The following TAC3 variants were observed in gnomAD, a reference collection of about 807,000 sequenced individuals.
The protein encoded by TAC3 is tachykinin precursor 3, also known as tachykinin-3.
TAC3 carries 9 observed loss-of-function variants against 16.5 expected under a neutral mutation model. The observed-to-expected ratio is 0.55, with a 90% CI of 0.33 to 0.95. TAC3 has a LOEUF of 0.95. Ranked by LOEUF, TAC3 falls within the 40% of genes least tolerant of loss-of-function variation. The pLI is 0.03. For missense variants in TAC3, 129 were observed against 149.1 expected (o/e 0.87, Z 0.70); for synonymous variants, 52 against 56.7 (o/e 0.92, Z 0.37).
At chr12:57,015,125 C>T (rs913196540) in intron 2 of TAC3, among the ~76,000 whole-genome samples, 15 of 151,808 alleles carry the variant, frequency 9.9e-5, no homozygotes, top group Admixed American at 6.6e-4. Flanking sequence ...AGGATAGAGG[C>T]GGGCAAGGGA....
intron 3 of TAC3, 86 bp downstream of exon 3, chr12:57,013,490 ATC>A: frequency 6.3e-7 from 1 of 1,591,104 alleles, no homozygotes; most frequent in Non-Finnish European, 8.6e-7. Context: ...GCTATCCCCC[ATC>A]TCTCTCCCAT....
At chr12:57,013,192 T>C in intron 4 of TAC3, 167 bp downstream of exon 4, 1 of 890,466 alleles carries the variant, frequency 1.1e-6, no homozygotes, top group Non-Finnish European at 1.8e-6. Context: ...AGCTTCCTCC[T>C]AGTTCTGGAT....
At chr12:57,012,517 A>G in intron 5 of TAC3, 65 bp from the exon 6 acceptor site, 1 of 1,607,240 alleles carries the variant, frequency 6.2e-7, no homozygotes, top group Non-Finnish European at 8.5e-7. Flanking sequence ...CCCTGATCCA[A>G]CAGCAAAGGG....
Position 57,012,375 on chromosome 12 carries a change from T to G in TAC3, c.*1+3A>C, listed in dbSNP as rs1196343144. 6.2e-7 allele frequency: 1 copy of G among 1,613,322 alleles called. No individual in the cohort carries two copies. Among genetic ancestry groups the G allele is most frequent in the East Asian group, 2.2e-5 (1 of 44,870 alleles). On this transcript the variant is annotated splice_donor_region_variant and intron_variant, in intron 6 of 6. Transcript: ENST00000458521. ...TCTCCCCTCTCTAATGAACAATCCTTACCCTATTCTGCTCTCGGGGGATAC... is the reference window on the plus strand; with the variant it reads ...TCTCCCCTCTCTAATGAACAATCCTGACCCTATTCTGCTCTCGGGGGATAC...
chr12:57,015,565 G>T, intron 2 of TAC3, 119 bp downstream of exon 2: 2 of 826,240 alleles, frequency 2.4e-6, no homozygotes, highest in Non-Finnish European at 2.0e-6. Flanking sequence ...AATCCAAAGG[G>T]AGGCAAAATG....
At chr12:57,013,163 C>T in intron 4 of TAC3, 196 bp downstream of exon 4, 1 of 753,154 alleles carries the variant, frequency 1.3e-6, no homozygotes, top group Non-Finnish European at 2.2e-6. Context: ...GAGGGAGAGC[C>T]CACCATGCCC....
Position 57,013,407 on chromosome 12 carries a change from A to T in TAC3, c.209-19T>A, listed in dbSNP as rs1440396623. The T allele has an allele frequency of 6.2e-7, 1 of 1,614,012 alleles. No homozygotes were observed. The highest frequency in any genetic ancestry group is 2.2e-5 in the East Asian group (1 of 44,906). On this transcript the variant is annotated intron_variant, in intron 3 of 6. Coordinates refer to ENST00000458521, the MANE Select transcript of TAC3 (RefSeq NM_013251.4). ...TTAGGATCTGTGAAACCAAGAACAGATGTCTAAATGGGGAGTGAAGTTGGA... is the reference window on the plus strand; with the variant it reads ...TTAGGATCTGTGAAACCAAGAACAGTTGTCTAAATGGGGAGTGAAGTTGGA...
At chr12:57,012,663 CT>C (rs758660310) in intron 5 of TAC3, 158 bp downstream of exon 5, 2 of 1,613,062 alleles carry the variant, frequency 1.2e-6, no homozygotes, top group South Asian at 2.2e-5. Context: ...GAAGACTTTC[CT>C]GTGGATCCAA....
chr12:57,013,944 C>A (rs1159924701), intron 2 of TAC3, among the ~76,000 whole-genome samples: 1 of 152,138 alleles, frequency 6.6e-6, no homozygotes, highest in Admixed American at 6.5e-5. Context: ...TTTAAGCAGC[C>A]CCCCAGGTGA....
At chr12:57,012,271 C>A in intron 6 of TAC3, 107 bp downstream of exon 6, 3 of 1,099,408 alleles carry the variant, frequency 2.7e-6, no homozygotes, top group Non-Finnish European at 2.7e-6. Flanking sequence ...TATTTCAGGG[C>A]AAATCTATGA....
Position 57,010,074 on chromosome 12 carries a change from C to T in TAC3, c.*216G>A, listed in dbSNP as rs1017993726. On this transcript the variant is annotated 3_prime_UTR_variant, in exon 7 of 7. Coordinates refer to ENST00000458521, the MANE Select transcript of TAC3 (RefSeq NM_013251.4). ...TTTTTAATGTAGGACACTACAGGAA[C>T]TCTAGGGTATTCTACAGTCAATGCC... The T allele has an allele frequency of 2.2e-6, 1 of 453,786 alleles. No homozygotes were observed. The highest frequency in any genetic ancestry group is 2.0e-5 in the African/African-American group (1 of 49,978). 28.1% of individuals were successfully genotyped at this position (453,786 alleles called of 1,614,324 possible). A position where few individuals can be genotyped will look rare whatever the true frequency, so the allele number is the denominator to read the frequency against.
intron 5 of TAC3, 23 bp downstream of exon 5, chr12:57,012,799 A>G: frequency 6.2e-7 from 1 of 1,614,022 alleles, no homozygotes. Flanking sequence ...AAGCCCTTCC[A>G]CTGTACCTCC....
At chr12:57,016,010 C>A (rs1050098559) in intron 1 of TAC3, among the ~76,000 whole-genome samples, 3 of 152,156 alleles carry the variant, frequency 2.0e-5, no homozygotes, top group Non-Finnish European at 4.4e-5. Flanking sequence ...TTCCCTGCTA[C>A]CCCATCAGAT....
intron 6 of TAC3, among the ~76,000 whole-genome samples, chr12:57,011,480 G>C (rs1427879600): frequency 2.6e-5 from 4 of 152,190 alleles, no homozygotes; most frequent in Non-Finnish European, 5.9e-5. Context: ...GTTTTGACTA[G>C]ACACTTCCCT....
chr12:57,013,557 TC>T lies in TAC3; in HGVS notation c.208+20del. 6.2e-7 allele frequency: 1 copy of T among 1,610,540 alleles called. No homozygotes were observed. Among genetic ancestry groups the T allele is most frequent in the Non-Finnish European group, 8.5e-7 (1 of 1,178,318 alleles). The stretch of plus-strand genomic sequence containing the variant: ...CAGAATCCTGCCCCTCATTCCCCTC[TC>T]CCCTAGGGCCGCCTCCTACCTGTGC... On this transcript the variant is annotated intron_variant, in intron 3 of 6. Coordinates refer to ENST00000458521, the MANE Select transcript of TAC3 (RefSeq NM_013251.4).
In TAC3 at chr12:57,010,086, CTA is replaced by C; in HGVS notation, c.*202_*203del. ...GACACTACAGGAACTCTAGGGTATT[CTA>C]CAGTCAATGCCCATTGGGGTTGGGG... On this transcript the variant is annotated 3_prime_UTR_variant, in exon 7 of 7. Coordinates refer to ENST00000458521, the MANE Select transcript of TAC3 (RefSeq NM_013251.4). The C allele has an allele frequency of 2.2e-6, 1 of 454,000 alleles. No homozygotes were observed. Among genetic ancestry groups the C allele is most frequent in the South Asian group, 1.6e-5 (1 of 64,460 alleles). The allele number at this position is 454,000 out of a possible 1,614,324, so 28.1% of individuals were successfully genotyped here.
chr12:57,013,587 C>G lies in TAC3; in HGVS notation c.199G>C (p.Ala67Pro), dbSNP rs187066881. The change falls in exon 3 of 7, where the codon GCT (alanine) becomes CCT (proline). Residue 67 changes from alanine (A) to proline (P), a missense_variant. Coordinates refer to ENST00000458521, the MANE Select transcript of TAC3 (RefSeq NM_013251.4). ...LEGLLKALSQ[A>P]STDPKESTSP... is the part of the protein sequence containing the mutation. ...TAGGGCCGCCTCCTACCTGTGCTAG[C>G]CTGGCTCAGGGCTTTGAGCAATCCC... 4.0e-5 allele frequency: 65 copies of G among 1,613,440 alleles called. No homozygotes were observed. In the African/African-American group the frequency reaches 7.6e-4, roughly 19 times the overall value.
At position 57,012,855 on chromosome 12, in the gene TAC3, C is replaced by T. The variant is rs1257014520; in HGVS notation, c.259G>A (p.Val87Met). ...PEKRDMHDFF[V>M]GLMGKRSVQP... The stretch of plus-strand genomic sequence containing the variant: ...ACGCTCCTCTTGCCCATAAGTCCCA[C>T]AAAGAAGTCATGCATGTCACCTGCA... Residue 87 changes from valine (V) to methionine (M), a missense_variant, in exon 5 of 7, where the codon GTG becomes ATG. Physicochemically the swap from Val to Met is conservative, Grantham distance 21. Coordinates refer to ENST00000458521, the MANE Select transcript of TAC3 (RefSeq NM_013251.4). 6.2e-7 allele frequency: 1 copy of T among 1,614,096 alleles called. No individual in the cohort carries two copies. Among genetic ancestry groups the T allele is most frequent in the African/African-American group, 1.3e-5 (1 of 74,942 alleles).
intron 6 of TAC3, 137 bp from the exon 7 acceptor site, chr12:57,010,425 T>C (rs1956284232): frequency 5.8e-6 from 2 of 342,668 alleles, no homozygotes; most frequent in Non-Finnish European, 1.1e-5. Context: ...AAAGAACAAG[T>C]CTTGACCCTC....
Sources: allele counts gnomAD v4.1 joint callset (sites outside exome capture counted in the v4.1 genomes callset), GRCh38; gene constraint gnomAD v4.1.1; transcripts MANE v1.5; gene names NCBI Gene and HGNC (gene_info 2026-07-23, HGNC 2026-07-21).